The following NKAIN3 variants were observed in gnomAD, a reference collection of about 807,000 sequenced individuals.
The protein encoded by NKAIN3 is sodium/potassium-transporting ATPase subunit beta-1-interacting protein 3.
A neutral mutation model predicts 30.2 loss-of-function variants in NKAIN3; 25 were observed. The observed-to-expected ratio is 0.83, with a 90% CI of 0.60 to 1.16. The LOEUF is 1.16. NKAIN3 is among the 50% of genes most tolerant of loss of function. The pLI is 0.00. For synonymous variants in NKAIN3, 91 were observed against 89.6 expected (o/e 1.02, Z -0.09); for missense variants, 225 against 254.1 (o/e 0.89, Z 0.78).
In NKAIN3 at chr8:62,584,721, C is replaced by T. The variant is rs372252839; in HGVS notation, c.193-4993C>T. On this transcript the variant is annotated intron_variant, in intron 2 of 6. Transcript: ENST00000623646. Reference sequence around the variant, plus strand: ...TCCTCTTGGAAAACCTTTAATAATCCTCAATTAAATAGTCACCTTTTACAG... The same window carrying T: ...TCCTCTTGGAAAACCTTTAATAATCTTCAATTAAATAGTCACCTTTTACAG... 5.6e-4 allele frequency among the ~76,000 whole-genome samples: 85 copies of T among 152,270 alleles called. 1 individual carries two copies. The South Asian group carries it at 0.017, about 30-fold the overall frequency.
chr8:62,343,309 G>T (rs1027836709), intron 1 of NKAIN3, among the ~76,000 whole-genome samples: 1 of 151,982 alleles, frequency 6.6e-6, no homozygotes, highest in Admixed American at 6.6e-5. Context: ...GTTAATATTT[G>T]TAATGGCCTA....
chr8:62,410,452 T>C (rs1804204220), intron 1 of NKAIN3, among the ~76,000 whole-genome samples: 1 of 152,188 alleles, frequency 6.6e-6, no homozygotes, highest in Non-Finnish European at 1.5e-5. Context: ...TATAATGATC[T>C]ATTTTCCTTT....
intron 3 of NKAIN3, among the ~76,000 whole-genome samples, chr8:62,690,552 G>C (rs970946077): frequency 6.6e-6 from 1 of 152,188 alleles, no homozygotes; most frequent in Non-Finnish European, 1.5e-5. Context: ...CAGCATTAGC[G>C]CCTCCGTGGA....
At chr8:62,300,178 G>C (rs1031619594) in intron 1 of NKAIN3, among the ~76,000 whole-genome samples, 1 of 152,014 alleles carries the variant, frequency 6.6e-6, no homozygotes, top group African/African-American at 2.4e-5. Context: ...TGAGTCAGTG[G>C]GGGTGGGGGA....
At chr8:62,749,751 C>T (rs1363654832) in intron 4 of NKAIN3, among the ~76,000 whole-genome samples, 1 of 143,036 alleles carries the variant, frequency 7.0e-6, no homozygotes, top group Non-Finnish European at 1.5e-5. Context: ...GGCGTGATCT[C>T]GGTTCACTGC....
At chr8:62,936,721 T>C (rs910017405) in intron 5 of NKAIN3, among the ~76,000 whole-genome samples, 2 of 152,158 alleles carry the variant, frequency 1.3e-5, no homozygotes, top group Non-Finnish European at 2.9e-5. Flanking sequence ...CATCTTATTT[T>C]TGGACATTTT....
At chr8:62,837,949 G>T (rs1819418686) in intron 4 of NKAIN3, among the ~76,000 whole-genome samples, 1 of 151,902 alleles carries the variant, frequency 6.6e-6, no homozygotes, top group Non-Finnish European at 1.5e-5. Flanking sequence ...GTATAGTCTG[G>T]GTTTATTATG....
At chr8:62,314,977 T>G (rs1175200440) in intron 1 of NKAIN3, among the ~76,000 whole-genome samples, 1 of 152,198 alleles carries the variant, frequency 6.6e-6, no homozygotes, top group Non-Finnish European at 1.5e-5. Flanking sequence ...GTGTGCTTAT[T>G]TCCACCAGCT....
intron 1 of NKAIN3, among the ~76,000 whole-genome samples, chr8:62,431,590 TA>T (rs1454098717): frequency 3.3e-5 from 5 of 151,896 alleles, no homozygotes; most frequent in Non-Finnish European, 5.9e-5. Flanking sequence ...AATTAAACTT[TA>T]ACAAAATGAA....
At chr8:62,279,918 T>C (rs1333092242) in intron 1 of NKAIN3, among the ~76,000 whole-genome samples, 5 of 152,176 alleles carry the variant, frequency 3.3e-5, no homozygotes, top group African/African-American at 4.8e-5. Context: ...AAGAAAGTCA[T>C]TGGTAGCTTG....
intron 1 of NKAIN3, among the ~76,000 whole-genome samples, chr8:62,417,526 T>C (rs1210220745): frequency 6.6e-6 from 1 of 152,194 alleles, no homozygotes; most frequent in East Asian, 1.9e-4. Context: ...GCTCTATTTT[T>C]AGTTTTTTGG....
intron 5 of NKAIN3, among the ~76,000 whole-genome samples, chr8:62,953,364 G>A (rs1306283927): frequency 6.6e-6 from 1 of 152,174 alleles, no homozygotes; most frequent in Non-Finnish European, 1.5e-5. Context: ...TTACAAAAAT[G>A]AGAAGTCTAT....
At chr8:62,941,820 A>G (rs1438283275) in intron 5 of NKAIN3, among the ~76,000 whole-genome samples, 1 of 152,116 alleles carries the variant, frequency 6.6e-6, no homozygotes, top group Non-Finnish European at 1.5e-5. Context: ...TTACTGGGGA[A>G]ATGTTGAAAG....
At chr8:62,782,488 C>T (rs1563559043) in intron 4 of NKAIN3, among the ~76,000 whole-genome samples, 1 of 151,688 alleles carries the variant, frequency 6.6e-6, no homozygotes, top group Admixed American at 6.6e-5. Context: ...TATCTCAGCA[C>T]TATTCACAAT....
At chr8:62,688,554 G>A (rs370789841) in intron 3 of NKAIN3, among the ~76,000 whole-genome samples, 3 of 152,092 alleles carry the variant, frequency 2.0e-5, no homozygotes, top group East Asian at 1.9e-4. Context: ...TAGTATAGCA[G>A]AGAATAAAAC....
intron 1 of NKAIN3, among the ~76,000 whole-genome samples, chr8:62,330,117 C>A (rs905655402): frequency 6.6e-6 from 1 of 151,806 alleles, no homozygotes; most frequent in Admixed American, 6.6e-5. Flanking sequence ...ATGGACGATT[C>A]CAGATAGAAG....
chr8:62,923,046 C>T (rs1822329301), intron 5 of NKAIN3, among the ~76,000 whole-genome samples: 2 of 152,138 alleles, frequency 1.3e-5, no homozygotes, highest in African/African-American at 4.8e-5. Context: ...CCTATAATCT[C>T]AGCACTTTGC....
intron 3 of NKAIN3, among the ~76,000 whole-genome samples, chr8:62,710,016 G>C (rs113574098): frequency 6.6e-6 from 1 of 152,042 alleles, no homozygotes; most frequent in African/African-American, 2.4e-5. Flanking sequence ...AAATTTCCAT[G>C]TATTTGCATT....
At chr8:62,788,187 T>C (rs1817584076) in intron 4 of NKAIN3, among the ~76,000 whole-genome samples, 1 of 152,182 alleles carries the variant, frequency 6.6e-6, no homozygotes. Flanking sequence ...CTCCACATCG[T>C]CTCCAGCACC....
Sources: allele counts gnomAD v4.1 joint callset (sites outside exome capture counted in the v4.1 genomes callset), GRCh38; gene constraint gnomAD v4.1.1; transcripts MANE v1.5; gene names NCBI Gene and HGNC (gene_info 2026-07-23, HGNC 2026-07-21).